Variants in FARP1 observed in about 807,000 individuals in gnomAD.
FARP1 encodes FERM, ARH/RhoGEF and pleckstrin domain protein 1, also known as FERM, ARHGEF and pleckstrin domain-containing protein 1.
FARP1 carries 52 observed loss-of-function variants against 128.8 expected under a neutral mutation model. The ratio of observed to expected loss-of-function variants is 0.40; its 90% CI spans 0.32 to 0.51. The LOEUF is 0.51. Ranked by LOEUF, FARP1 falls within the 20% of genes least tolerant of loss-of-function variation. The probability of loss-of-function intolerance (pLI) is 0.45; values close to 1 mark genes in which losing one functional copy is unlikely to be tolerated. For missense variants in FARP1, 1,333 were observed against 1,367.9 expected (o/e 0.97, Z 0.40); for synonymous variants, 580 against 551.8 (o/e 1.05, Z -0.72).
intron 1 of FARP1, among the ~76,000 whole-genome samples, chr13:98,210,067 G>A (rs1426398977): frequency 1.3e-5 from 2 of 151,880 alleles, no homozygotes; most frequent in Admixed American, 1.3e-4. Context: ...ATAGTACAAT[G>A]TATAGAATGG....
intron 1 of FARP1, among the ~76,000 whole-genome samples, chr13:98,158,172 T>G (rs570509407): frequency 6.6e-6 from 1 of 152,348 alleles, no homozygotes; most frequent in South Asian, 2.1e-4. Context: ...TCCCACAAAT[T>G]TTTATTGCTT....
At chr13:98,190,568 A>T (rs201744241) in intron 1 of FARP1, among the ~76,000 whole-genome samples, 1 of 132,404 alleles carries the variant, frequency 7.6e-6, no homozygotes, top group African/African-American at 3.1e-5. Context: ...TTACTTATTT[A>T]TTATTATTTT....
In FARP1 at chr13:98,450,964, A is replaced by G. The variant is rs1893161485; in HGVS notation, c.*2647A>G. ...ACCTCCCCCGACAGGAAATGCTGCC[A>G]GTCAACTCTAAAAGAACCACTTGTT... On this transcript the variant is annotated 3_prime_UTR_variant, in exon 27 of 27. Coordinates refer to ENST00000319562, the MANE Select transcript of FARP1 (RefSeq NM_005766.4). 1 of 152,280 alleles carries G rather than the reference A, an allele frequency of 6.6e-6. No individual in the cohort carries two copies. The highest frequency in any genetic ancestry group is 1.5e-5 in the Non-Finnish European group (1 of 68,090). The allele number at this position is 152,280 out of a possible 1,614,324, so 9.4% of individuals were successfully genotyped here. A position where few individuals can be genotyped will look rare whatever the true frequency, so the allele number is the denominator to read the frequency against.
intron 2 of FARP1, among the ~76,000 whole-genome samples, chr13:98,241,202 G>A (rs1882751530): frequency 1.3e-5 from 2 of 152,198 alleles, no homozygotes; most frequent in Admixed American, 6.5e-5. Flanking sequence ...TCTAAGTGGA[G>A]TTTTCAAGAA....
At chr13:98,196,541 C>G (rs544370583) in intron 1 of FARP1, among the ~76,000 whole-genome samples, 17 of 152,258 alleles carry the variant, frequency 1.1e-4, no homozygotes, top group African/African-American at 4.1e-4. Context: ...ATAATACTTA[C>G]TGTGTTTTCA....
At chr13:98,420,125 C>A (rs1891538433) in intron 16 of FARP1, among the ~76,000 whole-genome samples, 1 of 152,140 alleles carries the variant, frequency 6.6e-6, no homozygotes, top group South Asian at 2.1e-4. Context: ...CCAAGGTCAC[C>A]AGCACACTGT....
chr13:98,330,741 T>A (rs1445140149), intron 2 of FARP1, among the ~76,000 whole-genome samples: 1 of 140,444 alleles, frequency 7.1e-6, no homozygotes, highest in Admixed American at 7.2e-5. Context: ...GGCAACAGAG[T>A]GAGACTCCAT....
intron 2 of FARP1, among the ~76,000 whole-genome samples, chr13:98,320,204 C>T (rs753827622): frequency 2.6e-5 from 4 of 152,120 alleles, no homozygotes; most frequent in Non-Finnish European, 5.9e-5. Context: ...AGTCAAGGCT[C>T]ACAAGGAGAG....
intron 2 of FARP1, among the ~76,000 whole-genome samples, chr13:98,318,375 G>A (rs559750819): frequency 3.3e-5 from 5 of 152,250 alleles, no homozygotes; most frequent in South Asian, 2.1e-4. Flanking sequence ...TTCTAAGAAC[G>A]TGAATCCTAT....
intron 1 of FARP1, among the ~76,000 whole-genome samples, chr13:98,157,243 G>A (rs1293070316): frequency 6.6e-6 from 1 of 152,144 alleles, no homozygotes; most frequent in Admixed American, 6.5e-5. Flanking sequence ...AATTGATAAC[G>A]AGCCTGGCTG....
At chr13:98,426,038 C>G (rs933598499) in intron 17 of FARP1, among the ~76,000 whole-genome samples, 1 of 152,148 alleles carries the variant, frequency 6.6e-6, no homozygotes, top group Non-Finnish European at 1.5e-5. Flanking sequence ...TCATACTGCC[C>G]CCATTTCAAT....
chr13:98,173,800 T>A (rs1877808352), intron 1 of FARP1, among the ~76,000 whole-genome samples: 2 of 152,174 alleles, frequency 1.3e-5, no homozygotes, highest in Admixed American at 1.3e-4. Context: ...AAAGTGCCGG[T>A]AACCACGGTG....
intron 2 of FARP1, among the ~76,000 whole-genome samples, chr13:98,250,817 C>G (rs1247260883): frequency 1.3e-5 from 2 of 152,142 alleles, no homozygotes; most frequent in Non-Finnish European, 2.9e-5. Context: ...AAGAAGTAAT[C>G]CCAGCCTAAA....
At chr13:98,404,710 G>A (rs1890910010) in intron 13 of FARP1, 1 of 152,150 alleles carries the variant, frequency 6.6e-6, no homozygotes, top group Non-Finnish European at 1.5e-5. Flanking sequence ...TAGATAAGTG[G>A]CACCCAGAAG....
intron 2 of FARP1, among the ~76,000 whole-genome samples, chr13:98,274,091 T>C (rs1884517618): frequency 6.6e-6 from 1 of 152,156 alleles, no homozygotes; most frequent in African/African-American, 2.4e-5. Flanking sequence ...TCCACCAGCA[T>C]ACAGAGATTG....
intron 2 of FARP1, among the ~76,000 whole-genome samples, chr13:98,232,093 G>GTGCTGGGA (rs1274735183): frequency 1.3e-5 from 2 of 150,344 alleles, no homozygotes; most frequent in Non-Finnish European, 2.9e-5. Flanking sequence ...GCCTCCCAAA[G>GTGCTGGGA]TGCTGGGATT....
At chr13:98,290,675 A>G (rs951153525) in intron 2 of FARP1, among the ~76,000 whole-genome samples, 3 of 152,052 alleles carry the variant, frequency 2.0e-5, no homozygotes, top group Non-Finnish European at 2.9e-5. Flanking sequence ...TGGCCAGGAG[A>G]CCAATGGCGG....
At chr13:98,319,669 T>G (rs545762342) in intron 2 of FARP1, among the ~76,000 whole-genome samples, 17 of 152,234 alleles carry the variant, frequency 1.1e-4, no homozygotes, top group Non-Finnish European at 2.1e-4. Context: ...TTCCCCTTCA[T>G]AAATGTATAT....
At chr13:98,194,497 G>A (rs1879446157) in intron 1 of FARP1, among the ~76,000 whole-genome samples, 1 of 152,204 alleles carries the variant, frequency 6.6e-6, no homozygotes, top group African/African-American at 2.4e-5. Flanking sequence ...CTAAGCATGT[G>A]GAAGTTATTT....
Sources: gnomAD v4.1 joint callset for allele counts (sites outside exome capture counted in the v4.1 genomes callset) on GRCh38, gnomAD v4.1.1 for gene constraint, MANE v1.5 for transcripts, NCBI Gene and HGNC (gene_info 2026-07-23, HGNC 2026-07-21) for gene names.